The following SGCZ variants were observed in gnomAD, a reference collection of about 807,000 sequenced individuals.
The protein encoded by SGCZ is zeta-sarcoglycan.
Under a neutral mutation model 41.3 loss-of-function variants are expected in SGCZ, and 40 were observed. The ratio of observed to expected loss-of-function variants is 0.97; its 90% CI spans 0.75 to 1.26. The LOEUF is 1.26. Ranked by LOEUF, SGCZ falls within the 50% of genes most tolerant of loss-of-function variation. SGCZ has a pLI of 0.00. For missense variants in SGCZ, 552 were observed against 369.8 expected (o/e 1.49, Z -4.04); for synonymous variants, 206 against 137.5 (o/e 1.50, Z -3.49).
rs1337049160 is a variant in SGCZ, at chr8:14,795,520, G to A, written c.40-240594C>T. On this transcript the variant is annotated intron_variant, in intron 1 of 7. Coordinates refer to ENST00000382080, the MANE Select transcript of SGCZ (RefSeq NM_139167.4). ...TACAGTGGTGAAGTCATACCTTACT[G>A]CAGCCTCCACCTCCTAGACACAAGG... is the stretch of plus-strand genomic sequence containing the variant. Among the ~76,000 whole-genome samples, 3 of 152,058 alleles carry A rather than the reference G, an allele frequency of 2.0e-5. No individual in the cohort carries two copies. The East Asian group carries it at 5.8e-4, about 29-fold the overall frequency.
chr8:14,617,791 A>G (rs1054959631), intron 1 of SGCZ, among the ~76,000 whole-genome samples: 2 of 152,106 alleles, frequency 1.3e-5, no homozygotes, highest in African/African-American at 4.8e-5. Context: ...TGTGGTTGGG[A>G]AAGATAGTGC....
chr8:14,508,805 G>A (rs954920008), intron 2 of SGCZ, among the ~76,000 whole-genome samples: 2 of 152,062 alleles, frequency 1.3e-5, no homozygotes, highest in Non-Finnish European at 2.9e-5. Flanking sequence ...TTCTTCAATT[G>A]CTCTGATTTA....
intron 1 of SGCZ, among the ~76,000 whole-genome samples, chr8:14,806,955 A>G (rs1004511891): frequency 3.9e-5 from 6 of 151,900 alleles, no homozygotes; most frequent in African/African-American, 1.5e-4. Context: ...GTAATCCAGC[A>G]TATAAACAGA....
rs552879005 is a variant in SGCZ at position 15,151,083 on chromosome 8, C to T, written c.39+86502G>A. Among the ~76,000 whole-genome samples the T allele has an allele frequency of 9.8e-5, 15 of 152,366 alleles. No homozygotes were observed. In the South Asian group the frequency reaches 1.0e-3, roughly 11 times the overall value. ...ACACACAGACACACATACACACTCA[C>T]GCACACACTTCGCTGGAGCGGCCTC... On this transcript the variant is annotated intron_variant, in intron 1 of 7. Coordinates refer to ENST00000382080, the MANE Select transcript of SGCZ (RefSeq NM_139167.4).
chr8:14,792,023 G>T (rs554164633), intron 1 of SGCZ, among the ~76,000 whole-genome samples: 1 of 152,146 alleles, frequency 6.6e-6, no homozygotes, highest in African/African-American at 2.4e-5. Flanking sequence ...AGGCCGTCTA[G>T]CATGTTCTCA....
intron 1 of SGCZ, among the ~76,000 whole-genome samples, chr8:14,620,867 G>A (rs1279329403): frequency 6.6e-6 from 1 of 152,140 alleles, no homozygotes; most frequent in Non-Finnish European, 1.5e-5. Context: ...GAACCATTGT[G>A]GAAGACAGTG....
At chr8:14,949,196 C>T (rs1446144774) in intron 1 of SGCZ, among the ~76,000 whole-genome samples, 1 of 152,092 alleles carries the variant, frequency 6.6e-6, no homozygotes, top group African/African-American at 2.4e-5. Context: ...TGTGTTTTCA[C>T]ATTTCTCTTT....
At chr8:14,742,244 C>T (rs1228746252) in intron 1 of SGCZ, among the ~76,000 whole-genome samples, 2 of 152,034 alleles carry the variant, frequency 1.3e-5, no homozygotes, top group African/African-American at 4.8e-5. Flanking sequence ...ACACTGACAA[C>T]ACAGGTGAGC....
At chr8:14,907,723 C>G (rs936226047) in intron 1 of SGCZ, among the ~76,000 whole-genome samples, 1 of 152,116 alleles carries the variant, frequency 6.6e-6, no homozygotes, top group Non-Finnish European at 1.5e-5. Context: ...TTAGGGTTGT[C>G]TTCCCTCTCT....
intron 1 of SGCZ, among the ~76,000 whole-genome samples, chr8:15,055,360 TG>T (rs1804667443): frequency 6.6e-6 from 1 of 152,232 alleles, no homozygotes; most frequent in African/African-American, 2.4e-5. Context: ...TTATTCTTTT[TG>T]TTATCCTTTC....
At chr8:14,501,082 C>A (rs1285875885) in intron 2 of SGCZ, among the ~76,000 whole-genome samples, 1 of 152,026 alleles carries the variant, frequency 6.6e-6, no homozygotes, top group Non-Finnish European at 1.5e-5. Flanking sequence ...GGGTTGCATT[C>A]TTTCTAGAAG....
rs11782187 is a variant in SGCZ, at chr8:15,237,787, A to T, written c.-164T>A. The T allele has an allele frequency of 1.7e-6, 1 of 603,080 alleles. No individual in the cohort carries two copies. The highest frequency in any genetic ancestry group is 2.9e-5 in the Admixed American group (1 of 34,654). 37.4% of individuals were successfully genotyped at this position (603,080 alleles called of 1,614,324 possible). On this transcript the variant is annotated 5_prime_UTR_variant, in exon 1 of 8. Coordinates refer to ENST00000382080, the MANE Select transcript of SGCZ (RefSeq NM_139167.4). ...ACGCCGCCTCCACCGGGTTAAAAATAAGGAAAATAAATAAATAATAATGAT... is the reference window on the plus strand; with the variant it reads ...ACGCCGCCTCCACCGGGTTAAAAATTAGGAAAATAAATAAATAATAATGAT...
chr8:14,789,561 T>C (rs1585261810), intron 1 of SGCZ, among the ~76,000 whole-genome samples: 1 of 152,178 alleles, frequency 6.6e-6, no homozygotes, highest in Non-Finnish European at 1.5e-5. Flanking sequence ...TACAAGGCTC[T>C]TCATGCTTTA....
chr8:14,458,362 G>A (rs532878257), intron 2 of SGCZ, among the ~76,000 whole-genome samples: 7 of 152,218 alleles, frequency 4.6e-5, no homozygotes, highest in South Asian at 2.1e-4. Flanking sequence ...AAAAATGACC[G>A]TAAACAAATA....
intron 1 of SGCZ, among the ~76,000 whole-genome samples, chr8:15,038,076 G>A (rs1468328465): frequency 1.5e-5 from 2 of 132,280 alleles, no homozygotes; most frequent in South Asian, 5.6e-4. Flanking sequence ...AAATTTCAGT[G>A]ACGTTTTTAA....
chr8:15,165,441 A>G (rs965981936), intron 1 of SGCZ, among the ~76,000 whole-genome samples: 5 of 152,200 alleles, frequency 3.3e-5, no homozygotes, highest in African/African-American at 1.2e-4. Context: ...AAGGTTTGCC[A>G]GGTGTTTTGA....
chr8:14,258,210 G>C (rs1423264416), intron 3 of SGCZ, among the ~76,000 whole-genome samples: 1 of 150,370 alleles, frequency 6.7e-6, no homozygotes, highest in Non-Finnish European at 1.5e-5. Context: ...ACAAAATTCT[G>C]TGTTTCCCCC....
chr8:14,631,438 T>G (rs1440862625), intron 1 of SGCZ, among the ~76,000 whole-genome samples: 3 of 151,682 alleles, frequency 2.0e-5, no homozygotes, highest in African/African-American at 7.3e-5. Flanking sequence ...AAACTGGCCA[T>G]AGTGGAGGTA....
intron 1 of SGCZ, among the ~76,000 whole-genome samples, chr8:14,627,348 T>A (rs1404012357): frequency 6.6e-6 from 1 of 152,138 alleles, no homozygotes; most frequent in African/African-American, 2.4e-5. Context: ...GGACGGATCA[T>A]CAGCTCCTCA....
Sources: allele counts gnomAD v4.1 joint callset (sites outside exome capture counted in the v4.1 genomes callset), GRCh38; gene constraint gnomAD v4.1.1; transcripts MANE v1.5; gene names NCBI Gene and HGNC (gene_info 2026-07-23, HGNC 2026-07-21).